ONECUT3: variants seen among roughly 807,000 people sequenced by gnomAD.
ONECUT3 encodes one cut homeobox 3, also known as one cut domain family member 3.
ONECUT3 carries 11 observed loss-of-function variants against 16.8 expected under a neutral mutation model. That is an observed-to-expected ratio of 0.66 (90% CI 0.41 to 1.09). ONECUT3 has a LOEUF of 1.09. Ranked by LOEUF, ONECUT3 falls within the 50% of genes least tolerant of loss-of-function variation. The probability of loss-of-function intolerance (pLI) is 0.00; values close to 1 mark genes in which losing one functional copy is unlikely to be tolerated. For synonymous variants in ONECUT3, 344 were observed against 310.7 expected (o/e 1.11, Z -1.13); for missense variants, 637 against 629.9 (o/e 1.01, Z -0.12).
Position 1,753,641 on chromosome 19 carries a change from C to A in ONECUT3, c.-22C>A. ...CTAGGGGCCGGCGCTGAGGAGCGCG[C>A]GCGGCGGGAGGGCAGCCGAGCATGG... is the stretch of plus-strand genomic sequence containing the variant. On this transcript the variant is annotated 5_prime_UTR_variant, in exon 1 of 2. Transcript: ENST00000382349. The A allele has an allele frequency of 3.0e-6, 3 of 1,000,332 alleles. No homozygotes were observed. Among genetic ancestry groups the A allele is most frequent in the Admixed American group, 5.6e-5 (1 of 17,932 alleles). The allele number at this position is 1,000,332 out of a possible 1,614,324, so 62.0% of individuals were successfully genotyped here.
Position 1,753,866 on chromosome 19 carries a change from G to C in ONECUT3, c.204G>C (p.Ala68=). 4.1e-6 allele frequency: 4 copies of C among 977,046 alleles called. No homozygotes were observed. The highest frequency in any genetic ancestry group is 4.8e-6 in the Non-Finnish European group (4 of 825,238). 60.5% of individuals were successfully genotyped at this position (977,046 alleles called of 1,614,324 possible). The change falls in exon 1 of 2, where the codon GCG becomes GCC. Residue 68 remains alanine, a synonymous_variant. Coordinates refer to ENST00000382349, the MANE Select transcript of ONECUT3 (RefSeq NM_001080488.2). The part of the protein sequence containing the change: ...GGGGGGGAGG[A]GGAGSAGGGA... The stretch of plus-strand genomic sequence containing the variant: ...GCGGCGGTGGGGGCGCCGGGGGCGC[G>C]GGCGGCGCGGGCAGCGCGGGCGGCG...
At chr19:1,756,349 G>T (rs1010487206) in intron 1 of ONECUT3, among the ~76,000 whole-genome samples, 3 of 152,170 alleles carry the variant, frequency 2.0e-5, no homozygotes, top group Non-Finnish European at 4.4e-5. Context: ...CGTGTGGCAG[G>T]GTAACCTTGT....
Position 1,775,524 on chromosome 19 carries a change from C to G in ONECUT3, c.*79C>G, listed in dbSNP as rs1046300158. On this transcript the variant is annotated 3_prime_UTR_variant, in exon 2 of 2. Transcript: ENST00000382349. ...ACGTCACCTCCCCACATCCTGCCGGCCCGGAGACCCGCCCCCAGGGGGCAC... is the reference window on the plus strand; with the variant it reads ...ACGTCACCTCCCCACATCCTGCCGGGCCGGAGACCCGCCCCCAGGGGGCAC... 5.9e-6 allele frequency: 8 copies of G among 1,367,452 alleles called. No individual in the cohort carries two copies. The Admixed American group carries it at 1.1e-4, about 18-fold the overall frequency. 84.7% of individuals were successfully genotyped at this position (1,367,452 alleles called of 1,614,324 possible).
chr19:1,755,740 G>T lies in ONECUT3; in HGVS notation c.1192+886G>T, dbSNP rs1445696056. On this transcript the variant is annotated intron_variant, in intron 1 of 1. Transcript: ENST00000382349. The surrounding 1 kb of genome is among the most constrained non-coding windows in gnomAD (Gnocchi z 7.5). ...TGCTCATTATCTCTTCTCCCTGTCG[G>T]TCTCTCCGCCTCTGTCTCTGTCTCA... is the stretch of plus-strand genomic sequence containing the variant. Among the ~76,000 whole-genome samples the T allele has an allele frequency of 6.6e-6, 1 of 152,122 alleles. No individual in the cohort carries two copies. Among genetic ancestry groups the T allele is most frequent in the East Asian group, 1.9e-4 (1 of 5,188 alleles).
Position 1,754,744 on chromosome 19 carries a change from G to A in ONECUT3, c.1082G>A (p.Arg361His). The A allele has an allele frequency of 1.9e-6, 3 of 1,563,504 alleles. No homozygotes were observed. The highest frequency in any genetic ancestry group is 2.5e-5 in the East Asian group (1 of 40,770). Residue 361 changes from arginine to histidine, a missense_variant, in exon 1 of 2, where the codon CGC (arginine) becomes CAC (histidine). By Grantham distance (29) the Arg-to-His change is conservative (BLOSUM62 0). Around this residue, in one of 3 missense-constraint regions of ONECUT3, gnomAD observed 183 missense variants for 188.3 expected, o/e 0.97. Coordinates refer to ENST00000382349, the MANE Select transcript of ONECUT3 (RefSeq NM_001080488.2). This position sits in a 1 kb window ranked among gnomAD's most constrained non-coding sequence, Gnocchi z 7.4. ...RSQGTLSDLL[R>H]NPKPWSKLKS... ...CAGGGCACGCTCTCCGACCTGCTGC[G>A]CAACCCCAAGCCGTGGAGCAAGCTC...
At position 1,754,976 on chromosome 19, in the gene ONECUT3, G is replaced by A; in HGVS notation, c.1192+122G>A. The A allele has an allele frequency of 8.2e-7, 1 of 1,220,670 alleles. No individual in the cohort carries two copies. Among genetic ancestry groups the A allele is most frequent in the South Asian group, 2.7e-5 (1 of 36,382 alleles). 75.6% of individuals were successfully genotyped at this position (1,220,670 alleles called of 1,614,324 possible). ...CAAGCCCCGCCCGTGCGCCCCGGCA[G>A]CCCGGGACCCCCTATCAGGAAGCTA... On this transcript the variant is annotated intron_variant, in intron 1 of 1. Transcript: ENST00000382349. The surrounding 1 kb of genome is among the most constrained non-coding windows in gnomAD (Gnocchi z 7.4).
In ONECUT3 at chr19:1,780,399, C is replaced by T. The variant is rs879447544; in HGVS notation, c.*4954C>T. On this transcript the variant is annotated 3_prime_UTR_variant, in exon 2 of 2. Transcript: ENST00000382349. ...TCCTCTTGTGCCATGAGGCCACGTC[C>T]CTGAGCCATCCCCAGATAGTCCCTG... 2.6e-5 allele frequency: 4 copies of T among 152,354 alleles called. No individual in the cohort carries two copies. Among genetic ancestry groups the T allele is most frequent in the Non-Finnish European group, 5.9e-5 (4 of 68,144 alleles). The allele number at this position is 152,354 out of a possible 1,614,324, so 9.4% of individuals were successfully genotyped here. A position where few individuals can be genotyped will look rare whatever the true frequency, so the allele number is the denominator to read the frequency against.
rs540275010 is a variant in ONECUT3, at chr19:1,778,984, C to T, written c.*3539C>T. On this transcript the variant is annotated 3_prime_UTR_variant, in exon 2 of 2. Coordinates refer to ENST00000382349, the MANE Select transcript of ONECUT3 (RefSeq NM_001080488.2). ...CAGAAGGCTCTATCCCCGACCTGCC[C>T]GCCGGCCCCTCAGGCCCTCTCCTGC... 2.0e-4 allele frequency: 31 copies of T among 152,418 alleles called. No homozygotes were observed. Among genetic ancestry groups the T allele is most frequent in the South Asian group, 4.1e-4 (2 of 4,826 alleles). 9.4% of individuals were successfully genotyped at this position (152,418 alleles called of 1,614,324 possible).
Position 1,764,340 on chromosome 19 carries a change from G to A in ONECUT3, c.1192+9486G>A, listed in dbSNP as rs1217503539. Among the ~76,000 whole-genome samples, 2 of 152,190 alleles carry A rather than the reference G, an allele frequency of 1.3e-5. No individual in the cohort carries two copies. Among genetic ancestry groups the A allele is most frequent in the Admixed American group, 1.3e-4 (2 of 15,286 alleles). ...GAGGGACAGCCCGAGAGTCCAAGTG[G>A]AAATGCGTTTCCCGGTTAAGTCTTT... On this transcript the variant is annotated intron_variant, in intron 1 of 1. Transcript: ENST00000382349. The surrounding 1 kb of genome is among the most constrained non-coding windows in gnomAD (Gnocchi z 5.0).
chr19:1,767,542 CCAGT>C (rs1308341819), intron 1 of ONECUT3, among the ~76,000 whole-genome samples: 1 of 152,182 alleles, frequency 6.6e-6, no homozygotes, highest in Non-Finnish European at 1.5e-5. Flanking sequence ...GGGTCTCCCC[CCAGT>C]CCAGCCCCCT....
rs111645908 is a variant in ONECUT3, at chr19:1,770,816, A to G, written c.1193-4337A>G. On this transcript the variant is annotated intron_variant, in intron 1 of 1. Coordinates refer to ENST00000382349, the MANE Select transcript of ONECUT3 (RefSeq NM_001080488.2). ...GTTTCTTTATGCAGATAAAATATAAACATAGGTTCTTGTCTCTCCTTTCAC... is the reference window on the plus strand; with the variant it reads ...GTTTCTTTATGCAGATAAAATATAAGCATAGGTTCTTGTCTCTCCTTTCAC... 1.6e-3 allele frequency among the ~76,000 whole-genome samples: 238 copies of G among 152,268 alleles called. 1 individual carries two copies. The highest frequency in any genetic ancestry group is 5.5e-3 in the African/African-American group (228 of 41,558).
chr19:1,775,225 C>G lies in ONECUT3; in HGVS notation c.1265C>G (p.Thr422Ser), dbSNP rs760859574. The part of the protein sequence containing the change: ...LQPKKQRLVF[T>S]DLQRRTLIAI... ...CCCAAGAAGCAGCGCCTGGTGTTCA[C>G]CGACCTGCAGCGACGCACGCTGATC... The change falls in exon 2 of 2, where the codon ACC becomes AGC. Residue 422 changes from threonine to serine, a missense_variant. Thr to Ser is a moderately conservative substitution (Grantham distance 58). Coordinates refer to ENST00000382349, the MANE Select transcript of ONECUT3 (RefSeq NM_001080488.2). 7 of 1,562,776 alleles carry G rather than the reference C, an allele frequency of 4.5e-6. No individual in the cohort carries two copies. The highest frequency in any genetic ancestry group is 6.1e-6 in the Non-Finnish European group (7 of 1,153,576).
chr19:1,757,134 G>GC (rs150845648), intron 1 of ONECUT3, among the ~76,000 whole-genome samples: 6 of 148,922 alleles, frequency 4.0e-5, no homozygotes, highest in African/African-American at 7.4e-5. Flanking sequence ...AAGTCCCATG[G>GC]GGGGGGGGTG....
chr19:1,772,233 G>A (rs139358510), intron 1 of ONECUT3, among the ~76,000 whole-genome samples: 2,446 of 151,004 alleles, frequency 0.016, 67 homozygotes, highest in African/African-American at 0.057. Context: ...GGCTGGTCTC[G>A]AACTCCTGAC....
rs1413906869 is a variant in ONECUT3 at position 1,775,534 on chromosome 19, C to G, written c.*89C>G. 7.5e-5 allele frequency: 100 copies of G among 1,335,566 alleles called. No individual in the cohort carries two copies. The highest frequency in any genetic ancestry group is 8.4e-5 in the Non-Finnish European group (87 of 1,030,562). 82.7% of individuals were successfully genotyped at this position (1,335,566 alleles called of 1,614,324 possible). On this transcript the variant is annotated 3_prime_UTR_variant, in exon 2 of 2. Transcript: ENST00000382349. ...CCCACATCCTGCCGGCCCGGAGACC[C>G]GCCCCCAGGGGGCACCTGGAGGGGG...
intron 1 of ONECUT3, among the ~76,000 whole-genome samples, chr19:1,767,623 T>C (rs965027919): frequency 6.6e-6 from 1 of 152,042 alleles, no homozygotes; most frequent in Non-Finnish European, 1.5e-5. Context: ...ACGGCTGCCC[T>C]CTGCTGGACA....
rs141599265 is a variant in ONECUT3, at chr19:1,756,522, C to A, written c.1192+1668C>A. Among the ~76,000 whole-genome samples, 161 of 152,146 alleles carry A rather than the reference C, an allele frequency of 1.1e-3. 1 individual carries two copies. The South Asian group carries it at 0.012, about 11-fold the overall frequency. ...GAGGCCTCAGGTGGCAGAGGGCACACCCCTGGCAGCTCTATTTATTTATTG... is the reference window on the plus strand; with the variant it reads ...GAGGCCTCAGGTGGCAGAGGGCACAACCCTGGCAGCTCTATTTATTTATTG... On this transcript the variant is annotated intron_variant, in intron 1 of 1. Transcript: ENST00000382349.
Position 1,775,180 on chromosome 19 carries a change from A to C in ONECUT3, c.1220A>C (p.Gln407Pro), listed in dbSNP as rs933236544. Reference sequence around the variant, plus strand: ...TGCAAGCGCAAGGAACAGGAGCAGCAGAAGGAGCGCGCCCTGCAGCCCAAG... The same window carrying C: ...TGCAAGCGCAAGGAACAGGAGCAGCCGAAGGAGCGCGCCCTGCAGCCCAAG... ...AACKRKEQEQ[Q>P]KERALQPKKQ... The change falls in exon 2 of 2, where the codon CAG becomes CCG. Residue 407 changes from glutamine (Q) to proline (P), a missense_variant. By Grantham distance (76) the Gln-to-Pro change is moderately conservative. Transcript: ENST00000382349. The C allele has an allele frequency of 1.1e-5, 16 of 1,430,520 alleles. No individual in the cohort carries two copies. Among genetic ancestry groups the C allele is most frequent in the Non-Finnish European group, 1.5e-5 (16 of 1,070,610 alleles). The allele number at this position is 1,430,520 out of a possible 1,614,324, so 88.6% of individuals were successfully genotyped here. A position where few individuals can be genotyped will look rare whatever the true frequency, so the allele number is the denominator to read the frequency against.
Position 1,762,454 on chromosome 19 carries a change from G to C in ONECUT3, c.1192+7600G>C, listed in dbSNP as rs1409474364. The stretch of plus-strand genomic sequence containing the variant: ...CCTTTCCCGTCCAAGGACCTGCTGG[G>C]GGGATGACTGTGCCTCAGTTTCCAT... On this transcript the variant is annotated intron_variant, in intron 1 of 1. Transcript: ENST00000382349. The surrounding 1 kb of genome is among the most constrained non-coding windows in gnomAD (Gnocchi z 4.4). Among the ~76,000 whole-genome samples, 12 of 152,378 alleles carry C rather than the reference G, an allele frequency of 7.9e-5. No homozygotes were observed. Among genetic ancestry groups the C allele is most frequent in the Non-Finnish European group, 7.3e-5 (5 of 68,034 alleles).
Sources: allele counts gnomAD v4.1 joint callset (sites outside exome capture counted in the v4.1 genomes callset), GRCh38; gene constraint gnomAD v4.1.1; regional missense constraint gnomAD v4.1.1; non-coding constraint Gnocchi (gnomAD v3.1); transcripts MANE v1.5; gene names NCBI Gene and HGNC (gene_info 2026-07-23, HGNC 2026-07-21).